Variants in GJA9 observed in about 807,000 individuals in gnomAD.
The protein encoded by GJA9 is gap junction protein alpha 9, also known as gap junction alpha-9 protein.
Under a neutral mutation model 0.4 loss-of-function variants are expected in GJA9, and 1 was observed. The ratio of observed to expected loss-of-function variants is 2.50; its 90% CI spans 0.89 to 11.88. GJA9 has a LOEUF of 11.88. Among genes scored for constraint, GJA9 ranks in the 30% most tolerant of loss-of-function variants. GJA9 has a pLI of 0.12. For synonymous variants in GJA9, 190 were observed against 219.1 expected (o/e 0.87, Z 1.17); for missense variants, 550 against 602.8 (o/e 0.91, Z 0.92).
intron 1 of GJA9, 151 bp from the exon 2 acceptor site, chr1:38,876,344 A>G: frequency 2.1e-6 from 1 of 476,676 alleles, no homozygotes; most frequent in East Asian, 3.8e-5. Context: ...TGCAACCACA[A>G]CTCCCTGCAG....
intron 1 of GJA9, among the ~76,000 whole-genome samples, chr1:38,879,711 C>A (rs952828077): frequency 5.3e-5 from 8 of 152,058 alleles, no homozygotes; most frequent in African/African-American, 1.7e-4. Flanking sequence ...CTTTCTTCAG[C>A]CTTTGTTCTG....
At chr1:38,876,680 A>T (rs1220939159) in intron 1 of GJA9, among the ~76,000 whole-genome samples, 1 of 151,962 alleles carries the variant, frequency 6.6e-6, no homozygotes, top group Admixed American at 6.6e-5. Context: ...TACCTGGAGG[A>T]GGAGTGTATA....
intron 1 of GJA9, among the ~76,000 whole-genome samples, chr1:38,879,743 C>G (rs569742054): frequency 3.9e-5 from 6 of 152,170 alleles, no homozygotes; most frequent in African/African-American, 1.4e-4. Context: ...CGTTTGTTTT[C>G]TGAGACGGAG....
Position 38,874,184 on chromosome 1 carries a change from C to A in GJA9, c.*367G>T. The A allele has an allele frequency of 2.8e-6, 1 of 352,046 alleles. No individual in the cohort carries two copies. Among genetic ancestry groups the A allele is most frequent in the Non-Finnish European group, 5.5e-6 (1 of 183,020 alleles). 21.8% of individuals were successfully genotyped at this position (352,046 alleles called of 1,614,324 possible). ...TGTTCCAGGGGCAAACAGAATTAAC[C>A]CAGTGTCCAAGGTGGAATTGTATAG... is the stretch of plus-strand genomic sequence containing the variant. On this transcript the variant is annotated 3_prime_UTR_variant, in exon 2 of 2. Coordinates refer to ENST00000357771, the MANE Select transcript of GJA9 (RefSeq NM_030772.5).
intron 1 of GJA9, among the ~76,000 whole-genome samples, chr1:38,880,401 T>TAAAAAA (rs1256224209): frequency 4.4e-5 from 3 of 67,862 alleles, no homozygotes; most frequent in Admixed American, 1.9e-4. Flanking sequence ...AGACTCTGTC[T>TAAAAAA]CAAAAAAAAA....
At chr1:38,876,240 T>A in intron 1 of GJA9, 47 bp from the exon 2 acceptor site, 1 of 702,690 alleles carries the variant, frequency 1.4e-6, no homozygotes. Context: ...GCTGGTTGCT[T>A]TACTTTTTCC....
At position 38,881,572 on chromosome 1, in the gene GJA9, A is replaced by G. The variant is rs950329659; in HGVS notation, c.-236T>C. 7.4e-6 allele frequency: 5 copies of G among 671,906 alleles called. No individual in the cohort carries two copies. Among genetic ancestry groups the G allele is most frequent in the Non-Finnish European group, 1.4e-5 (5 of 370,126 alleles). The allele number at this position is 671,906 out of a possible 1,614,324, so 41.6% of individuals were successfully genotyped here. A position where few individuals can be genotyped will look rare whatever the true frequency, so the allele number is the denominator to read the frequency against. ...GTTGAATGTAGTGAGTGAGTCATCC[A>G]TCAACTAAAATCCATGTCCCTTTCT... is the stretch of plus-strand genomic sequence containing the variant. On this transcript the variant is annotated 5_prime_UTR_variant, in exon 1 of 2. An upstream start codon of the reference 5' UTR is lost. Transcript: ENST00000357771.
chr1:38,875,689 C>G lies in GJA9; in HGVS notation c.410G>C (p.Cys137Ser). ...RDRRRLEQEL[C>S]QLEKRKLNKA... The stretch of plus-strand genomic sequence containing the variant: ...ATTTAGTTTCCTTTTCTCCAGCTGA[C>G]AAAGCTCTTGCTCCAATCTCCTCCG... Residue 137 changes from cysteine to serine, a missense_variant, in exon 2 of 2, where the codon TGT (cysteine) becomes TCT (serine). Transcript: ENST00000357771. 1 of 1,614,228 alleles carries G rather than the reference C, an allele frequency of 6.2e-7. No homozygotes were observed. The highest frequency in any genetic ancestry group is 1.3e-5 in the African/African-American group (1 of 75,060).
At chr1:38,881,387 AAC>A in intron 1 of GJA9, 43 bp downstream of exon 1, 1 of 699,454 alleles carries the variant, frequency 1.4e-6, no homozygotes, top group Non-Finnish European at 2.6e-6. Context: ...AAACATTTCA[AAC>A]AACTCTTTCT....
chr1:38,874,576 C>T lies in GJA9; in HGVS notation c.1523G>A (p.Arg508Gln), dbSNP rs1642543572. 6.2e-7 allele frequency: 1 copy of T among 1,613,900 alleles called. No homozygotes were observed. Among genetic ancestry groups the T allele is most frequent in the Non-Finnish European group, 8.5e-7 (1 of 1,179,868 alleles). The part of the protein sequence containing the change: ...VSLTNNLIGR[R>Q]VPTDLQI Reference sequence around the variant, plus strand: ...TTAGATCTGAAGATCTGTGGGAACCCGCCTACCAATGAGATTGTTCGTTAG... The same window carrying T: ...TTAGATCTGAAGATCTGTGGGAACCTGCCTACCAATGAGATTGTTCGTTAG... Residue 508 changes from arginine (R) to glutamine (Q), a missense_variant, in exon 2 of 2, where the codon CGG becomes CAG. Coordinates refer to ENST00000357771, the MANE Select transcript of GJA9 (RefSeq NM_030772.5).
rs759752753 is a variant in GJA9 at position 38,875,269 on chromosome 1, C to G, written c.830G>C (p.Arg277Pro). ...YQSTSANSLK[R>P]LPSAPDYNLL... Reference sequence around the variant, plus strand: ...ATTATAATCAGGGGCAGAAGGGAGTCGCTTCAGTGAATTTGCAGATGTGCT... The same window carrying G: ...ATTATAATCAGGGGCAGAAGGGAGTGGCTTCAGTGAATTTGCAGATGTGCT... Residue 277 changes from arginine to proline, a missense_variant, in exon 2 of 2, where the codon CGA becomes CCA. Transcript: ENST00000357771. The G allele has an allele frequency of 6.2e-7, 1 of 1,614,078 alleles. No individual in the cohort carries two copies. The highest frequency in any genetic ancestry group is 1.1e-5 in the South Asian group (1 of 91,068).
At chr1:38,878,803 G>A (rs1487427649) in intron 1 of GJA9, among the ~76,000 whole-genome samples, 10 of 131,990 alleles carry the variant, frequency 7.6e-5, no homozygotes, top group South Asian at 5.3e-4. Flanking sequence ...GCACAATCTC[G>A]GCTCACCGCA....
At position 38,880,178 on chromosome 1, in the gene GJA9, G is replaced by A. The variant is rs1161372812; in HGVS notation, c.-96+1254C>T. ...AATACTTTAGGAGGCCGAGGCCAGC[G>A]GATCACTTGAGGTCAGGAGTTTGAG... On this transcript the variant is annotated intron_variant, in intron 1 of 1. Coordinates refer to ENST00000357771, the MANE Select transcript of GJA9 (RefSeq NM_030772.5). 2.0e-5 allele frequency among the ~76,000 whole-genome samples: 3 copies of A among 149,802 alleles called. No individual in the cohort carries two copies. In the East Asian group the frequency reaches 6.1e-4, roughly 30 times the overall value.
chr1:38,875,805 G>A lies in GJA9; in HGVS notation c.294C>T (p.Tyr98=). The A allele has an allele frequency of 3.1e-6, 5 of 1,614,152 alleles. No homozygotes were observed. The East Asian group carries it at 8.9e-5, about 29-fold the overall frequency. The stretch of plus-strand genomic sequence containing the variant: ...TCTCTTCCTCAAGAACTCTCAGTCG[G>A]TACAATGCATGGCCCATGTAGACCA... The part of the protein sequence containing the change: ...PSLVYMGHAL[Y]RLRVLEEERQ... The change falls in exon 2 of 2, where the codon TAC becomes TAT. Residue 98 remains tyrosine (Y), a synonymous_variant. Coordinates refer to ENST00000357771, the MANE Select transcript of GJA9 (RefSeq NM_030772.5).
In GJA9 at chr1:38,874,347, G is replaced by T. The variant is rs967908214; in HGVS notation, c.*204C>A. The T allele has an allele frequency of 4.0e-6, 2 of 502,752 alleles. No homozygotes were observed. Among genetic ancestry groups the T allele is most frequent in the Non-Finnish European group, 3.5e-6 (1 of 286,656 alleles). 31.1% of individuals were successfully genotyped at this position (502,752 alleles called of 1,614,324 possible). The stretch of plus-strand genomic sequence containing the variant: ...TATCATTTAAAAAAAAAAAAATCCT[G>T]ATTTGACAACTCTATGTCTTTGAAT... On this transcript the variant is annotated 3_prime_UTR_variant, in exon 2 of 2. Transcript: ENST00000357771.
chr1:38,879,819 C>G (rs1642658457), intron 1 of GJA9, among the ~76,000 whole-genome samples: 1 of 152,028 alleles, frequency 6.6e-6, no homozygotes, highest in African/African-American at 2.4e-5. Flanking sequence ...CTCCGCCTCC[C>G]GGGTTCACGC....
At chr1:38,879,237 G>T (rs1384007376) in intron 1 of GJA9, among the ~76,000 whole-genome samples, 1 of 152,046 alleles carries the variant, frequency 6.6e-6, no homozygotes, top group East Asian at 1.9e-4. Flanking sequence ...TGGTATCCCA[G>T]GTTATCTCAG....
Position 38,875,900 on chromosome 1 carries a change from C to T in GJA9, c.199G>A (p.Asp67Asn). ...ATGAGGGAGATAGGAAAGGCCTGGT[C>T]GTAGCATACATTTCTGCAGCCTGGT... ...EQPGCRNVCY[D>N]QAFPISLIRY... Residue 67 changes from aspartate (D) to asparagine (N), a missense_variant, in exon 2 of 2, where the codon GAC becomes AAC. By Grantham distance (23) the Asp-to-Asn change is conservative. Transcript: ENST00000357771. The T allele has an allele frequency of 1.9e-6, 3 of 1,614,192 alleles. No homozygotes were observed. The highest frequency in any genetic ancestry group is 2.5e-6 in the Non-Finnish European group (3 of 1,180,038).
At position 38,880,402 on chromosome 1, in the gene GJA9, CAAAA is replaced by C. The variant is rs1267872139; in HGVS notation, c.-96+1026_-96+1029del. Reference sequence around the variant, plus strand: ...TGGGCGACAGAGCAAGACTCTGTCTCAAAAAAAAATAAATAATAATAATAATAAT... The same window carrying C: ...TGGGCGACAGAGCAAGACTCTGTCTCAAAAATAAATAATAATAATAATAAT... On this transcript the variant is annotated intron_variant, in intron 1 of 1. Transcript: ENST00000357771. 3.1e-4 allele frequency among the ~76,000 whole-genome samples: 25 copies of C among 79,912 alleles called. 1 individual carries two copies. In the East Asian group the frequency reaches 8.0e-3, roughly 26 times the overall value. The allele number at this position is 79,912 out of a possible 152,430, so 52.4% of individuals were successfully genotyped here. A position where few individuals can be genotyped will look rare whatever the true frequency, so the allele number is the denominator to read the frequency against.
Sources: gnomAD v4.1 joint callset for allele counts (sites outside exome capture counted in the v4.1 genomes callset) on GRCh38, gnomAD v4.1.1 for gene constraint, MANE v1.5 for transcripts, NCBI Gene and HGNC (gene_info 2026-07-23, HGNC 2026-07-21) for gene names.